KCNJ16: variants seen among roughly 807,000 people sequenced by gnomAD.
KCNJ16 encodes potassium inwardly rectifying channel subfamily J member 16.
KCNJ16 carries 15 observed loss-of-function variants against 18.5 expected under a neutral mutation model. That is an observed-to-expected ratio of 0.81 (90% CI 0.54 to 1.25). The LOEUF (loss-of-function observed/expected upper bound fraction) is 1.25. Among genes scored for constraint, KCNJ16 ranks in the 50% most tolerant of loss-of-function variants. The pLI, the probability that KCNJ16 is intolerant of heterozygous loss-of-function variation, is 0.00. For missense variants in KCNJ16, 523 were observed against 525.7 expected (o/e 0.99, Z 0.05); for synonymous variants, 174 against 186.5 (o/e 0.93, Z 0.55).
At chr17:70,123,181 T>C (rs2073715795) in intron 2 of KCNJ16, among the ~76,000 whole-genome samples, 1 of 152,208 alleles carries the variant, frequency 6.6e-6, no homozygotes, top group Admixed American at 6.5e-5. Flanking sequence ...TGGCTCTCTC[T>C]TTCTAGCCTC....
intron 1 of KCNJ16, among the ~76,000 whole-genome samples, chr17:70,076,013 A>T (rs184000197): frequency 6.6e-6 from 1 of 151,052 alleles, no homozygotes; most frequent in Admixed American, 6.6e-5. Context: ...TTTTGTTTTG[A>T]GTATTTAGTC....
chr17:70,100,455 T>C (rs1287290702), intron 1 of KCNJ16, among the ~76,000 whole-genome samples: 1 of 152,178 alleles, frequency 6.6e-6, no homozygotes, highest in Admixed American at 6.5e-5. Context: ...TACTTCTTAT[T>C]TTCTGTTTGT....
intron 2 of KCNJ16, among the ~76,000 whole-genome samples, chr17:70,121,802 A>T (rs1188693920): frequency 6.6e-6 from 1 of 152,136 alleles, no homozygotes; most frequent in Admixed American, 6.5e-5. Flanking sequence ...CTGAAAAAAA[A>T]AATACAAAAA....
intron 1 of KCNJ16, among the ~76,000 whole-genome samples, chr17:70,093,691 G>A (rs1471464073): frequency 6.6e-6 from 1 of 152,032 alleles, no homozygotes; most frequent in Non-Finnish European, 1.5e-5. Context: ...AAATGAAGGA[G>A]GGCTTTGTTT....
At chr17:70,118,710 T>C (rs1325839956) in intron 2 of KCNJ16, among the ~76,000 whole-genome samples, 2 of 151,958 alleles carry the variant, frequency 1.3e-5, no homozygotes, top group African/African-American at 4.8e-5. Flanking sequence ...TGCGCCCCCA[T>C]GATGAAAACA....
intron 2 of KCNJ16, among the ~76,000 whole-genome samples, chr17:70,119,818 G>T (rs1270283533): frequency 6.6e-6 from 1 of 152,144 alleles, no homozygotes; most frequent in Non-Finnish European, 1.5e-5. Context: ...CATTGTGCTG[G>T]ATATTAGCAC....
At chr17:70,114,150 A>G (rs1455878881) in intron 2 of KCNJ16, among the ~76,000 whole-genome samples, 1 of 152,158 alleles carries the variant, frequency 6.6e-6, no homozygotes, top group African/African-American at 2.4e-5. Context: ...TTCCTTTCCA[A>G]TAAAGATGTC....
At chr17:70,112,128 G>A (rs1380825838) in intron 2 of KCNJ16, among the ~76,000 whole-genome samples, 2 of 152,184 alleles carry the variant, frequency 1.3e-5, no homozygotes, top group Non-Finnish European at 2.9e-5. Flanking sequence ...GTGCCCCTGG[G>A]ACCAAGAACC....
intron 2 of KCNJ16, among the ~76,000 whole-genome samples, chr17:70,119,342 C>G (rs2073540147): frequency 6.6e-6 from 1 of 152,188 alleles, no homozygotes; most frequent in South Asian, 2.1e-4. Flanking sequence ...CCCTTTGTCA[C>G]ATCTCCACTA....
chr17:70,117,780 A>T (rs1243328703), intron 2 of KCNJ16, among the ~76,000 whole-genome samples: 3 of 152,242 alleles, frequency 2.0e-5, no homozygotes, highest in Admixed American at 1.3e-4. Flanking sequence ...TGTTAGGGAT[A>T]CAGTGGTAAA....
intron 2 of KCNJ16, among the ~76,000 whole-genome samples, chr17:70,107,855 T>C (rs954590257): frequency 2.0e-5 from 3 of 152,160 alleles, no homozygotes; most frequent in Admixed American, 6.6e-5. Context: ...AACCTTTAAA[T>C]ACTAATGTTA....
At chr17:70,076,538 T>C (rs2071318744) in intron 1 of KCNJ16, among the ~76,000 whole-genome samples, 1 of 152,120 alleles carries the variant, frequency 6.6e-6, no homozygotes. Flanking sequence ...ATAATTGTGA[T>C]AAATCTAAGA....
At chr17:70,128,805 G>A (rs1433404686) in intron 2 of KCNJ16, 3 of 152,246 alleles carry the variant, frequency 2.0e-5, no homozygotes, top group African/African-American at 7.2e-5. Flanking sequence ...AACACCACAA[G>A]GCGGTGTGGA....
At chr17:70,099,413 T>C (rs750546953) in intron 1 of KCNJ16, among the ~76,000 whole-genome samples, 16 of 152,218 alleles carry the variant, frequency 1.1e-4, no homozygotes, top group South Asian at 2.1e-4. Flanking sequence ...GACAGGAAGA[T>C]CTTGTGAAAG....
chr17:70,079,299 G>A (rs2071448992), intron 1 of KCNJ16, among the ~76,000 whole-genome samples: 1 of 152,148 alleles, frequency 6.6e-6, no homozygotes, highest in Non-Finnish European at 1.5e-5. Context: ...CTTGGCTTTT[G>A]CTCTTAAGGG....
chr17:70,133,612 A>G lies in KCNJ16; in HGVS notation c.*268A>G, dbSNP rs1007694464. 6 of 304,710 alleles carry G rather than the reference A, an allele frequency of 2.0e-5. No individual in the cohort carries two copies. Among genetic ancestry groups the G allele is most frequent in the South Asian group, 9.0e-5 (1 of 11,112 alleles). 18.9% of individuals were successfully genotyped at this position (304,710 alleles called of 1,614,324 possible). A position where few individuals can be genotyped will look rare whatever the true frequency, so the allele number is the denominator to read the frequency against. The stretch of plus-strand genomic sequence containing the variant: ...CTTTTTTATTATCTTACATGCTTGT[A>G]TCTTCAGTTGGAGGTGTAGTATTCA... On this transcript the variant is annotated 3_prime_UTR_variant, in exon 4 of 4. Transcript: ENST00000392671.
In KCNJ16 at chr17:70,132,255, C is replaced by T. The variant is rs1162203942; in HGVS notation, c.168C>T (p.Ser56=). The stretch of plus-strand genomic sequence containing the variant: ...AGCACATTTTTGGAGAATGGGGAAG[C>T]TATGTGGTTGACATCTTCACCACTC... ...YFKHIFGEWG[S]YVVDIFTTLV... The change falls in exon 4 of 4, where the codon AGC becomes AGT. Residue 56 remains serine, a synonymous_variant. Coordinates refer to ENST00000392671, the MANE Select transcript of KCNJ16 (RefSeq NM_170741.4). The T allele has an allele frequency of 6.2e-7, 1 of 1,614,090 alleles. No homozygotes were observed. Among genetic ancestry groups the T allele is most frequent in the African/African-American group, 1.3e-5 (1 of 74,936 alleles).
At position 70,135,382 on chromosome 17, in the gene KCNJ16, T is replaced by C. The variant is rs1458593666; in HGVS notation, c.*2038T>C. ...TCTTGCTTTGCTTTGTTGACTCTGCTACCGCTGATGTTTGCCTTGTCAATA... is the reference window on the plus strand; with the variant it reads ...TCTTGCTTTGCTTTGTTGACTCTGCCACCGCTGATGTTTGCCTTGTCAATA... On this transcript the variant is annotated 3_prime_UTR_variant, in exon 4 of 4. Transcript: ENST00000392671. The C allele has an allele frequency of 6.0e-6, 1 of 167,230 alleles. No individual in the cohort carries two copies. Among genetic ancestry groups the C allele is most frequent in the South Asian group, 2.1e-4 (1 of 4,834 alleles). The allele number at this position is 167,230 out of a possible 1,614,324, so 10.4% of individuals were successfully genotyped here.
chr17:70,084,317 A>C (rs1470829848), intron 1 of KCNJ16, among the ~76,000 whole-genome samples: 1 of 152,192 alleles, frequency 6.6e-6, no homozygotes, highest in Non-Finnish European at 1.5e-5. Flanking sequence ...TCAGAACAAA[A>C]AACAAGTGAT....
Sources: allele counts gnomAD v4.1 joint callset (sites outside exome capture counted in the v4.1 genomes callset), GRCh38; gene constraint gnomAD v4.1.1; transcripts MANE v1.5; gene names NCBI Gene and HGNC (gene_info 2026-07-23, HGNC 2026-07-21).